NMD3: variants seen among roughly 807,000 people sequenced by gnomAD.
The protein encoded by NMD3 is 60S ribosomal export protein NMD3.
In NMD3, 47 loss-of-function variants were observed where a neutral mutation model predicts 73.1. The observed-to-expected ratio is 0.64, with a 90% CI of 0.51 to 0.82. The LOEUF (loss-of-function observed/expected upper bound fraction) is 0.82. Ranked by LOEUF, NMD3 falls within the 40% of genes least tolerant of loss-of-function variation. The probability of loss-of-function intolerance (pLI) is 0.00; values close to 1 mark genes in which losing one functional copy is unlikely to be tolerated. For missense variants in NMD3, 554 were observed against 612.5 expected, an observed-to-expected ratio of 0.90 and a Z score of 1.01; for synonymous variants, 210 against 194.5, an observed-to-expected ratio of 1.08 and a Z score of -0.66.
Position 161,227,268 on chromosome 3 carries a change from T to G in NMD3, c.201T>G (p.Thr67=). The change falls in exon 4 of 16, where the codon ACT becomes ACG. Residue 67 remains threonine (T), a synonymous_variant. Transcript: ENST00000351193. ...QCQRYFQPPG[T]WIQCALESRE... The stretch of plus-strand genomic sequence containing the variant: ...TTAGGTATTTTCAACCACCAGGAAC[T>G]TGGATACAGTGTGCTTTAGAATCCA... 1 of 1,609,244 alleles carries G rather than the reference T, an allele frequency of 6.2e-7. No individual in the cohort carries two copies. Among genetic ancestry groups the G allele is most frequent in the Non-Finnish European group, 8.5e-7 (1 of 1,177,788 alleles).
chr3:161,250,131 A>C (rs1737420806), intron 14 of NMD3, 125 bp from the exon 15 acceptor site: 1 of 586,050 alleles, frequency 1.7e-6, no homozygotes, highest in South Asian at 2.3e-5. Flanking sequence ...GTTTATATAA[A>C]ATTGTTTCAT....
chr3:161,236,676 C>T (rs1253181781), intron 7 of NMD3, among the ~76,000 whole-genome samples: 3 of 152,110 alleles, frequency 2.0e-5, no homozygotes, highest in African/African-American at 4.8e-5. Flanking sequence ...CCTATAGTTT[C>T]TTTCAAGTGT....
intron 10 of NMD3, among the ~76,000 whole-genome samples, chr3:161,242,097 T>G (rs898580873): frequency 6.6e-6 from 1 of 152,116 alleles, no homozygotes; most frequent in African/African-American, 2.4e-5. Context: ...GTTAAAGATC[T>G]GTTAGCAATA....
At chr3:161,240,525 G>GTTTTTTTTTTTTT in intron 9 of NMD3, among the ~76,000 whole-genome samples, 1 of 60,628 alleles carries the variant, frequency 1.6e-5, no homozygotes, top group South Asian at 7.6e-4. Flanking sequence ...TTGGGCCCTG[G>GTTTTTTTTTTTTT]ATTTTTTTTT....
chr3:161,242,652 A>T lies in NMD3; in HGVS notation c.1016A>T (p.Lys339Met). 1 of 1,610,394 alleles carries T rather than the reference A, an allele frequency of 6.2e-7. No homozygotes were observed. Among genetic ancestry groups the T allele is most frequent in the Non-Finnish European group, 8.5e-7 (1 of 1,177,820 alleles). ...RAAGAGMISK[K>M]HTLGEVWVQK... is the part of the protein sequence containing the mutation. The stretch of plus-strand genomic sequence containing the variant: ...GCAGGTGCTGGAATGATATCAAAAA[A>T]GGTAAGCTACATCCTGCCTGCCAGT... The change falls in exon 11 of 16, where the codon AAG becomes ATG. Residue 339 changes from lysine (K) to methionine (M), a missense_variant and splice_region_variant. Lys to Met is a moderately conservative substitution (Grantham distance 95, BLOSUM62 -1). Coordinates refer to ENST00000351193, the MANE Select transcript of NMD3 (RefSeq NM_015938.5).
At chr3:161,239,227 T>C (rs960188631) in intron 9 of NMD3, among the ~76,000 whole-genome samples, 3 of 152,154 alleles carry the variant, frequency 2.0e-5, no homozygotes, top group Admixed American at 6.5e-5. Flanking sequence ...TGAAAGAATA[T>C]TGTGATAATG....
chr3:161,243,014 T>G (rs2108095686), intron 11 of NMD3, among the ~76,000 whole-genome samples: 1 of 152,290 alleles, frequency 6.6e-6, no homozygotes, highest in South Asian at 2.1e-4. Context: ...TACTTCAGTG[T>G]GCATCTCTCA....
intron 9 of NMD3, among the ~76,000 whole-genome samples, chr3:161,239,604 T>C (rs775255247): frequency 5.3e-5 from 8 of 152,106 alleles, no homozygotes; most frequent in Non-Finnish European, 1.0e-4. Context: ...GAAATTGAAG[T>C]TTGAGGAGGT....
chr3:161,225,903 A>C (rs1736296162), intron 3 of NMD3, among the ~76,000 whole-genome samples: 1 of 152,024 alleles, frequency 6.6e-6, no homozygotes, highest in African/African-American at 2.4e-5. Context: ...AACACATGAA[A>C]CTGTGTACTG....
intron 11 of NMD3, among the ~76,000 whole-genome samples, chr3:161,245,789 A>G (rs1401324564): frequency 6.6e-6 from 1 of 151,934 alleles, no homozygotes; most frequent in Non-Finnish European, 1.5e-5. Flanking sequence ...TATATTATAT[A>G]TAGCAGATGT....
At chr3:161,238,047 C>A in intron 7 of NMD3, 66 bp from the exon 8 acceptor site, 2 of 1,011,088 alleles carry the variant, frequency 2.0e-6, no homozygotes, top group Non-Finnish European at 3.0e-6. Flanking sequence ...ATAATATAGT[C>A]ATGTTAGTAG....
chr3:161,236,910 A>G (rs1050598032), intron 7 of NMD3, among the ~76,000 whole-genome samples: 5 of 152,178 alleles, frequency 3.3e-5, no homozygotes, highest in African/African-American at 1.2e-4. Context: ...CCATTGATCT[A>G]TATATCTATC....
chr3:161,228,772 A>G (rs1736425265), intron 4 of NMD3, among the ~76,000 whole-genome samples: 1 of 152,166 alleles, frequency 6.6e-6, no homozygotes, highest in Non-Finnish European at 1.5e-5. Flanking sequence ...GAAAGCGTGT[A>G]TTCTAATTGC....
At chr3:161,244,292 G>A (rs1360312321) in intron 11 of NMD3, among the ~76,000 whole-genome samples, 1 of 152,072 alleles carries the variant, frequency 6.6e-6, no homozygotes, top group Non-Finnish European at 1.5e-5. Flanking sequence ...ACCATGCCCA[G>A]CTAATTTTTT....
intron 9 of NMD3, among the ~76,000 whole-genome samples, chr3:161,239,495 G>A (rs1269194013): frequency 1.3e-5 from 2 of 152,100 alleles, no homozygotes; most frequent in African/African-American, 4.8e-5. Flanking sequence ...TGCCATTATT[G>A]TGACCATTCT....
chr3:161,243,992 T>G (rs1737093932), intron 11 of NMD3, among the ~76,000 whole-genome samples: 1 of 152,160 alleles, frequency 6.6e-6, no homozygotes, highest in South Asian at 2.1e-4. Flanking sequence ...GCCCATAAAT[T>G]AATTATTTTA....
chr3:161,247,769 A>G (rs1489896750), intron 13 of NMD3, among the ~76,000 whole-genome samples: 1 of 147,546 alleles, frequency 6.8e-6, no homozygotes, highest in Admixed American at 6.8e-5. Flanking sequence ...AGGCTGGGCA[A>G]CAAGAACAAA....
chr3:161,234,786 A>C lies in NMD3; in HGVS notation c.417A>C (p.Gln139His), dbSNP rs763932709. The part of the protein sequence containing the change: ...VFVVDYVVQS[Q>H]MCGDCHRVEA... ...TGGTGGATTATGTTGTTCAGTCCCA[A>C]ATGTGTGGAGATTGCCATAGAGTAG... The change falls in exon 6 of 16, where the codon CAA (glutamine) becomes CAC (histidine). Residue 139 changes from glutamine to histidine, a missense_variant. Gln to His is a conservative substitution (Grantham distance 24). Coordinates refer to ENST00000351193, the MANE Select transcript of NMD3 (RefSeq NM_015938.5). The C allele has an allele frequency of 6.2e-7, 1 of 1,613,332 alleles. No individual in the cohort carries two copies.
chr3:161,242,479 A>T, intron 10 of NMD3, 29 bp from the exon 11 acceptor site: 1 of 1,591,658 alleles, frequency 6.3e-7, no homozygotes, highest in Non-Finnish European at 8.6e-7. Flanking sequence ...AATTTTTCTT[A>T]TGTTTTTGTG....
Sources: gnomAD v4.1 joint callset for allele counts (sites outside exome capture counted in the v4.1 genomes callset) on GRCh38, gnomAD v4.1.1 for gene constraint, MANE v1.5 for transcripts, NCBI Gene and HGNC (gene_info 2026-07-23, HGNC 2026-07-21) for gene names.